The following SLC39A11 variants were observed in gnomAD, a reference collection of about 807,000 sequenced individuals.
SLC39A11 encodes the protein solute carrier family 39 member 11, also known as zinc transporter ZIP11.
In SLC39A11, 33 loss-of-function variants were observed where a neutral mutation model predicts 36.1. That is an observed-to-expected ratio of 0.91 (90% CI 0.69 to 1.22). SLC39A11 has a LOEUF of 1.22. Ranked by LOEUF, SLC39A11 falls within the 50% of genes most tolerant of loss-of-function variation. The pLI is 0.00. For missense variants in SLC39A11, 432 were observed against 430.3 expected (o/e 1.00, Z -0.03); for synonymous variants, 166 against 170.3 (o/e 0.97, Z 0.20).
At chr17:72,785,772 C>A (rs2076492330) in intron 6 of SLC39A11, among the ~76,000 whole-genome samples, 1 of 152,112 alleles carries the variant, frequency 6.6e-6, no homozygotes, top group Non-Finnish European at 1.5e-5. Flanking sequence ...TCTCATCCTG[C>A]CCATTGGATT....
At chr17:73,065,710 C>T (rs1356060624) in intron 3 of SLC39A11, among the ~76,000 whole-genome samples, 1 of 152,216 alleles carries the variant, frequency 6.6e-6, no homozygotes, top group Non-Finnish European at 1.5e-5. Flanking sequence ...ATCCAGAACA[C>T]CTACAACTGA....
At chr17:72,724,185 A>C (rs1230779964) in intron 7 of SLC39A11, among the ~76,000 whole-genome samples, 2 of 151,688 alleles carry the variant, frequency 1.3e-5, no homozygotes, top group Non-Finnish European at 2.9e-5. Context: ...GGAGAAGGGG[A>C]GAGGAAAGAG....
chr17:73,080,042 G>C (rs909919787), intron 3 of SLC39A11, among the ~76,000 whole-genome samples: 1 of 152,118 alleles, frequency 6.6e-6, no homozygotes, highest in Admixed American at 6.6e-5. Context: ...AATCAATATG[G>C]TAAAAATGAC....
Position 72,947,831 on chromosome 17 carries a change from GC to G in SLC39A11, c.350del (p.Gly117AlafsTer4). 6.2e-7 allele frequency: 1 copy of G among 1,614,132 alleles called. No homozygotes were observed. The highest frequency in any genetic ancestry group is 8.5e-7 in the Non-Finnish European group (1 of 1,180,026). On this transcript the variant is annotated frameshift_variant, in exon 5 of 10. Transcript: ENST00000255559. LOFTEE classifies it high-confidence loss of function. ...CAGACTTCTTCTTCATCAACGTAGA[GC>G]CGAAGTTCAGTGCCAGGGTCGTCTG... is the stretch of plus-strand genomic sequence containing the variant. ...DPQTTLALNF[G>X]STLMKKKSDP...
intron 7 of SLC39A11, among the ~76,000 whole-genome samples, chr17:72,654,478 T>G (rs1295256908): frequency 6.6e-6 from 1 of 152,230 alleles, no homozygotes; most frequent in African/African-American, 2.4e-5. Flanking sequence ...TGGAGACATG[T>G]GAATATATTT....
intron 5 of SLC39A11, among the ~76,000 whole-genome samples, chr17:72,900,176 A>AGAAG (rs1491469922): frequency 1.4e-5 from 2 of 145,058 alleles, no homozygotes; most frequent in African/African-American, 5.3e-5. Flanking sequence ...AAAGAAAGAA[A>AGAAG]GAAAGAAAGA....
At chr17:73,062,475 A>AAAAAAAAAAAAAAAAAAAAAAGAAAC (rs56021607) in intron 3 of SLC39A11, among the ~76,000 whole-genome samples, 1 of 87,034 alleles carries the variant, frequency 1.1e-5, no homozygotes, top group Non-Finnish European at 2.1e-5. Context: ...AAAAAAAAAA[A>AAAAAAAAAAAAAAAAAAAAAAGAAAC]AAACTTTAGG....
At chr17:72,725,612 T>C (rs1011964047) in intron 7 of SLC39A11, 4 of 152,220 alleles carry the variant, frequency 2.6e-5, no homozygotes, top group African/African-American at 9.6e-5. Context: ...GTCAAACTTT[T>C]TCCTTCTGGT....
intron 4 of SLC39A11, among the ~76,000 whole-genome samples, chr17:72,949,324 C>T (rs1250717580): frequency 1.3e-5 from 2 of 151,622 alleles, no homozygotes; most frequent in Non-Finnish European, 2.9e-5. Context: ...CCACGCCGGG[C>T]TAATCTTTGT....
At chr17:72,983,765 C>G (rs144590831) in intron 4 of SLC39A11, among the ~76,000 whole-genome samples, 3 of 152,318 alleles carry the variant, frequency 2.0e-5, no homozygotes, top group African/African-American at 7.2e-5. Context: ...GAGCCAGGCT[C>G]TTCACCCAGA....
intron 6 of SLC39A11, among the ~76,000 whole-genome samples, chr17:72,781,746 G>A (rs543340072): frequency 6.6e-6 from 1 of 152,118 alleles, no homozygotes; most frequent in Admixed American, 6.5e-5. Flanking sequence ...ACAAGCTCGT[G>A]TTGGGGTGAG....
intron 7 of SLC39A11, among the ~76,000 whole-genome samples, chr17:72,700,941 G>A: frequency 6.6e-6 from 1 of 152,194 alleles, no homozygotes; most frequent in South Asian, 2.1e-4. Flanking sequence ...AGGGAATTAG[G>A]GGAGCTACAA....
At chr17:72,699,510 AG>A (rs2072502090) in intron 7 of SLC39A11, among the ~76,000 whole-genome samples, 1 of 152,156 alleles carries the variant, frequency 6.6e-6, no homozygotes, top group African/African-American at 2.4e-5. Flanking sequence ...GAGGGAGAGG[AG>A]CTTCAGGAAG....
chr17:73,083,015 C>A (rs1474600065), intron 3 of SLC39A11, among the ~76,000 whole-genome samples: 395 of 89,578 alleles, frequency 4.4e-3, no homozygotes, highest in South Asian at 6.7e-3. Context: ...GACTCCATTT[C>A]AAAAAAAAAA....
chr17:72,754,229 A>T (rs1050409602), intron 6 of SLC39A11, among the ~76,000 whole-genome samples: 2 of 152,012 alleles, frequency 1.3e-5, no homozygotes, highest in Non-Finnish European at 2.9e-5. Flanking sequence ...CTCACTCATA[A>T]GTGGGAGCTA....
chr17:73,082,808 C>T (rs1000662354), intron 3 of SLC39A11, among the ~76,000 whole-genome samples: 1 of 151,498 alleles, frequency 6.6e-6, no homozygotes, highest in Admixed American at 6.6e-5. Flanking sequence ...GTCAGGAGTT[C>T]GAGACCAGCC....
At chr17:72,946,807 G>T (rs1270764851) in intron 5 of SLC39A11, among the ~76,000 whole-genome samples, 1 of 152,190 alleles carries the variant, frequency 6.6e-6, no homozygotes, top group African/African-American at 2.4e-5. Context: ...GGGCAAGAAG[G>T]AGAGGCGTCT....
At chr17:72,698,459 CAAAAAAA>C (rs61454778) in intron 7 of SLC39A11, among the ~76,000 whole-genome samples, 5 of 93,000 alleles carry the variant, frequency 5.4e-5, no homozygotes, top group East Asian at 4.0e-4. Flanking sequence ...TAATAAAAAC[CAAAAAAA>C]AAAAAAAAAA....
At chr17:72,947,465 C>T (rs2085502574) in intron 5 of SLC39A11, 5 of 468,340 alleles carry the variant, frequency 1.1e-5, no homozygotes, top group East Asian at 7.5e-5. Flanking sequence ...AGCCCCATCA[C>T]CATCAGAGTG....
Sources: gnomAD v4.1 joint callset for allele counts (sites outside exome capture counted in the v4.1 genomes callset) on GRCh38, gnomAD v4.1.1 for gene constraint, MANE v1.5 for transcripts, NCBI Gene and HGNC (gene_info 2026-07-23, HGNC 2026-07-21) for gene names.